TRPS1: variants seen among roughly 807,000 people sequenced by gnomAD.
The protein encoded by TRPS1 is zinc finger transcription factor Trps1.
In TRPS1, 6 loss-of-function variants were observed where a neutral mutation model predicts 101.2. The observed-to-expected ratio is 0.06, with a 90% CI of 0.03 to 0.12. TRPS1 has a LOEUF of 0.12. Among genes scored for constraint, TRPS1 ranks in the 10% least tolerant of loss-of-function variants. TRPS1 has a pLI of 1.00. For synonymous variants in TRPS1, 578 were observed against 589.8 expected, an observed-to-expected ratio of 0.98 and a Z score of 0.29; for missense variants, 1,363 against 1,567.0, an observed-to-expected ratio of 0.87 and a Z score of 2.20.
At chr8:115,587,866 C>T (rs908678828) in intron 4 of TRPS1, among the ~76,000 whole-genome samples, 6 of 151,708 alleles carry the variant, frequency 4.0e-5, no homozygotes, top group South Asian at 2.1e-4. Context: ...GCATCGTGCA[C>T]GCACGCACGC....
intron 4 of TRPS1, among the ~76,000 whole-genome samples, chr8:115,600,593 T>C (rs1817886116): frequency 1.3e-5 from 2 of 152,114 alleles, no homozygotes; most frequent in African/African-American, 4.8e-5. Flanking sequence ...CAGTGTAACC[T>C]CACATTCCAA....
intron 3 of TRPS1, among the ~76,000 whole-genome samples, chr8:115,612,471 T>A (rs1268738740): frequency 2.0e-5 from 3 of 152,180 alleles, no homozygotes; most frequent in African/African-American, 7.2e-5. Flanking sequence ...ACTCCAAGAT[T>A]TCCAGCCTGA....
At chr8:115,660,592 CAA>C (rs1586504893) in intron 1 of TRPS1, among the ~76,000 whole-genome samples, 1 of 151,186 alleles carries the variant, frequency 6.6e-6, no homozygotes, top group East Asian at 1.9e-4. Context: ...TGAACGCAAA[CAA>C]GAGAACCATG....
At chr8:115,453,181 C>G (rs937630613) in intron 5 of TRPS1, among the ~76,000 whole-genome samples, 1 of 152,048 alleles carries the variant, frequency 6.6e-6, no homozygotes, top group Non-Finnish European at 1.5e-5. Context: ...CCACCACATC[C>G]AGCTACCTTT....
intron 3 of TRPS1, among the ~76,000 whole-genome samples, chr8:115,611,041 T>TG (rs899757830): frequency 4.2e-5 from 6 of 143,890 alleles, no homozygotes; most frequent in African/African-American, 1.0e-4. Context: ...CGCTTGAGCC[T>TG]GGGGGGCGGA....
chr8:115,538,740 TA>T, intron 5 of TRPS1, among the ~76,000 whole-genome samples: 1 of 152,302 alleles, frequency 6.6e-6, no homozygotes, highest in South Asian at 2.1e-4. Flanking sequence ...TTTTCTATTG[TA>T]ATATTAAAAA....
chr8:115,473,006 C>T (rs550488253), intron 5 of TRPS1, among the ~76,000 whole-genome samples: 32 of 152,290 alleles, frequency 2.1e-4, no homozygotes, highest in African/African-American at 7.7e-4. Context: ...CAAAGTTTCC[C>T]ACATCTTCCT....
At chr8:115,467,421 G>C (rs1814350593) in intron 5 of TRPS1, among the ~76,000 whole-genome samples, 1 of 148,260 alleles carries the variant, frequency 6.7e-6, no homozygotes, top group Non-Finnish European at 1.5e-5. Flanking sequence ...GAAGCAATTT[G>C]ACCTTTTGTT....
chr8:115,584,235 T>G (rs1272074243), intron 5 of TRPS1, among the ~76,000 whole-genome samples: 2 of 152,022 alleles, frequency 1.3e-5, no homozygotes, highest in Non-Finnish European at 2.9e-5. Context: ...GTATAGTATT[T>G]TTAAATGATT....
In TRPS1 at chr8:115,619,787, G is replaced by A; in HGVS notation, c.311C>T (p.Pro104Leu). Residue 104 changes from proline (P) to leucine (L), a missense_variant, in exon 3 of 7, where the codon CCC (proline) becomes CTC (leucine). By Grantham distance (98) the Pro-to-Leu change is moderately conservative. Coordinates refer to ENST00000395715, the MANE Select transcript of TRPS1 (RefSeq NM_014112.5). Reference sequence around the variant, plus strand: ...GGAGGGAAAGTTTCCTCCCTTACTGGGGCTTTCATAATTGAAGCCAGCCTT... The same window carrying A: ...GGAGGGAAAGTTTCCTCCCTTACTGAGGCTTTCATAATTGAAGCCAGCCTT... ...SEKAGFNYESPSKGGNFPSFP... is the reference protein window; with the variant it reads ...SEKAGFNYESLSKGGNFPSFP... 1 of 1,614,120 alleles carries A rather than the reference G, an allele frequency of 6.2e-7. No homozygotes were observed. The highest frequency in any genetic ancestry group is 8.5e-7 in the Non-Finnish European group (1 of 1,180,020).
chr8:115,421,721 G>A (rs1466954405), intron 5 of TRPS1, among the ~76,000 whole-genome samples: 3 of 152,202 alleles, frequency 2.0e-5, no homozygotes, highest in African/African-American at 7.2e-5. Flanking sequence ...AAGTAGCAGA[G>A]AAGGTGGGAG....
At chr8:115,512,493 T>C (rs1400869532) in intron 5 of TRPS1, among the ~76,000 whole-genome samples, 1 of 151,570 alleles carries the variant, frequency 6.6e-6, no homozygotes, top group Non-Finnish European at 1.5e-5. Flanking sequence ...CCCTCTAAAA[T>C]GAATGTGAAA....
intron 5 of TRPS1, among the ~76,000 whole-genome samples, chr8:115,558,142 A>C (rs1374265317): frequency 6.6e-6 from 1 of 152,084 alleles, no homozygotes; most frequent in Admixed American, 6.6e-5. Context: ...AAAACATTGT[A>C]TATTATTCTT....
chr8:115,544,587 G>C (rs903996657), intron 5 of TRPS1, among the ~76,000 whole-genome samples: 2 of 152,094 alleles, frequency 1.3e-5, no homozygotes, highest in Non-Finnish European at 2.9e-5. Flanking sequence ...ACATCCAGCA[G>C]CCTAAGAAAA....
chr8:115,523,207 G>A (rs570363355), intron 5 of TRPS1, among the ~76,000 whole-genome samples: 7 of 152,122 alleles, frequency 4.6e-5, no homozygotes, highest in East Asian at 3.9e-4. Context: ...GTAAAGGACC[G>A]GGAAAGGCAA....
chr8:115,573,160 G>A (rs750277525), intron 5 of TRPS1, among the ~76,000 whole-genome samples: 6 of 151,812 alleles, frequency 4.0e-5, no homozygotes, highest in African/African-American at 7.3e-5. Flanking sequence ...ATAGTAAAGC[G>A]TGTGAACTTT....
At position 115,414,387 on chromosome 8, in the gene TRPS1, T is replaced by C. The variant is rs762084877; in HGVS notation, c.3521A>G (p.Asp1174Gly). ...PHFSAVGSDN[D>G]IPLDLAIKHS... ...CTTGATCGCCAAATCTAGAGGAATG[T>C]CATTGTCTGATCCAACAGCTGAAAA... Residue 1174 changes from aspartate to glycine, a missense_variant, in exon 7 of 7, where the codon GAC (aspartate) becomes GGC (glycine). Physicochemically the swap from Asp to Gly is moderately conservative, Grantham distance 94. Around this residue, in one of 5 missense-constraint regions of TRPS1, gnomAD observed 307 missense variants for 392.4 expected, o/e 0.78. Coordinates refer to ENST00000395715, the MANE Select transcript of TRPS1 (RefSeq NM_014112.5). The surrounding 1 kb of genome is among the most constrained non-coding windows in gnomAD (Gnocchi z 4.8). 1 of 1,613,984 alleles carries C rather than the reference T, an allele frequency of 6.2e-7. No individual in the cohort carries two copies. Among genetic ancestry groups the C allele is most frequent in the African/African-American group, 1.3e-5 (1 of 75,028 alleles).
chr8:115,547,451 T>G (rs1247086564), intron 5 of TRPS1, among the ~76,000 whole-genome samples: 1 of 152,186 alleles, frequency 6.6e-6, no homozygotes. Context: ...TGTGGCTGTA[T>G]GGTAGTGACC....
intron 4 of TRPS1, among the ~76,000 whole-genome samples, chr8:115,602,442 T>C (rs767423496): frequency 4.6e-5 from 7 of 152,194 alleles, no homozygotes; most frequent in Non-Finnish European, 7.3e-5. Context: ...GAAACACTCA[T>C]TGCAAGTGTG....
Sources: allele counts gnomAD v4.1 joint callset (sites outside exome capture counted in the v4.1 genomes callset), GRCh38; gene constraint gnomAD v4.1.1; regional missense constraint gnomAD v4.1.1; non-coding constraint Gnocchi (gnomAD v3.1); transcripts MANE v1.5; gene names NCBI Gene and HGNC (gene_info 2026-07-23, HGNC 2026-07-21).